Variants in GALNT15 observed in about 807,000 individuals in gnomAD.
The protein encoded by GALNT15 is polypeptide N-acetylgalactosaminyltransferase 15.
Under a neutral mutation model 66.8 loss-of-function variants are expected in GALNT15, and 67 were observed. The observed-to-expected ratio is 1.00, with a 90% confidence interval of 0.82 to 1.23. The LOEUF (loss-of-function observed/expected upper bound fraction) is 1.23. Ranked by LOEUF, GALNT15 falls within the 50% of genes most tolerant of loss-of-function variation. The pLI is 0.00. For synonymous variants in GALNT15, 313 were observed against 311.5 expected (o/e 1.00, Z -0.05); for missense variants, 827 against 804.3 (o/e 1.03, Z -0.34).
Position 16,200,716 on chromosome 3 carries a change from G to A in GALNT15, c.804G>A (p.Met268Ile). ...NKRLGAIRAR[M>I]LGATRATGDV... is the part of the protein sequence containing the mutation. ...GGCTGGGTGCCATCAGGGCCCGGAT[G>A]CTGGGGGCCACCAGAGCCACCGGGG... is the stretch of plus-strand genomic sequence containing the variant. The change falls in exon 3 of 10, where the codon ATG becomes ATA. Residue 268 changes from methionine (M) to isoleucine (I), a missense_variant. Met to Ile is a conservative substitution (Grantham distance 10). Coordinates refer to ENST00000339732, the MANE Select transcript of GALNT15 (RefSeq NM_054110.5). This position sits in a 1 kb window ranked among gnomAD's most constrained non-coding sequence, Gnocchi z 4.4. 1.9e-6 allele frequency: 3 copies of A among 1,611,800 alleles called. No homozygotes were observed. Among genetic ancestry groups the A allele is most frequent in the Non-Finnish European group, 2.5e-6 (3 of 1,179,022 alleles).
intron 3 of GALNT15, among the ~76,000 whole-genome samples, chr3:16,202,656 C>T (rs2063715902): frequency 6.6e-6 from 1 of 152,132 alleles, no homozygotes; most frequent in South Asian, 2.1e-4. Flanking sequence ...AATGCACAAG[C>T]CCTCCAAAGC....
chr3:16,232,452 AAAT>A (rs2064090628), downstream of GALNT15, among the ~76,000 whole-genome samples: 1 of 43,672 alleles, frequency 2.3e-5, no homozygotes, highest in African/African-American at 7.6e-5. Context: ...CCTGGCCTCA[AAAT>A]AAATAAATAA....
chr3:16,215,916 A>AAACAAAAAAAAAAAAAAAAAAAAAC (rs1019009823), intron 6 of GALNT15, among the ~76,000 whole-genome samples: 81 of 143,492 alleles, frequency 5.6e-4, no homozygotes, highest in South Asian at 1.0e-3. Context: ...CAAAAAAAAA[A>AAACAAAAAAAAAAAAAAAAAAAAAC]AAAAAAAAAG....
chr3:16,179,269 G>A (rs1431798416), intron 1 of GALNT15, among the ~76,000 whole-genome samples: 2 of 152,146 alleles, frequency 1.3e-5, no homozygotes, highest in Non-Finnish European at 2.9e-5. Flanking sequence ...GGAAACTGAG[G>A]CACAGAAAGA....
chr3:16,196,774 C>T (rs571629008), intron 2 of GALNT15, among the ~76,000 whole-genome samples: 3 of 152,306 alleles, frequency 2.0e-5, no homozygotes, highest in Admixed American at 6.5e-5. Context: ...TTGGCTTGGG[C>T]GTGAGGCCTA....
chr3:16,224,481 A>T lies in GALNT15; in HGVS notation c.1773+1723A>T, dbSNP rs771273113. ...AGTCAAATTAATAGAAACAGAAAGT[A>T]AAATAGTGGTTACCAGAGGCAGGCA... On this transcript the variant is annotated intron_variant, in intron 9 of 9. Transcript: ENST00000339732. The surrounding 1 kb of genome is among the most constrained non-coding windows in gnomAD (Gnocchi z 5.2). Among the ~76,000 whole-genome samples the T allele has an allele frequency of 6.6e-5, 10 of 152,314 alleles. No homozygotes were observed. Among genetic ancestry groups the T allele is most frequent in the Non-Finnish European group, 1.0e-4 (7 of 68,020 alleles).
At chr3:16,213,428 C>T (rs1446976064) in intron 6 of GALNT15, among the ~76,000 whole-genome samples, 3 of 110,748 alleles carry the variant, frequency 2.7e-5, no homozygotes, top group South Asian at 3.2e-4. Context: ...GCACTCCAGC[C>T]TGAGTGACAG....
At chr3:16,226,804 GTAAT>G (rs2064024984) in intron 9 of GALNT15, among the ~76,000 whole-genome samples, 1 of 152,196 alleles carries the variant, frequency 6.6e-6, no homozygotes, top group African/African-American at 2.4e-5. Context: ...TTTTCATAAA[GTAAT>G]TAAATTTTTC....
rs967737434 is a variant in GALNT15, at chr3:16,181,743, C to T, written c.539+6053C>T. The stretch of plus-strand genomic sequence containing the variant: ...GAACAGGAACAAGCTGGGCTTGAGA[C>T]CTGGGGCTGGAACTTAGCTCAATTC... On this transcript the variant is annotated intron_variant, in intron 1 of 9. Transcript: ENST00000339732. This position sits in a 1 kb window ranked among gnomAD's most constrained non-coding sequence, Gnocchi z 5.9. Among the ~76,000 whole-genome samples, 1 of 152,118 alleles carries T rather than the reference C, an allele frequency of 6.6e-6. No individual in the cohort carries two copies. Among genetic ancestry groups the T allele is most frequent in the Non-Finnish European group, 1.5e-5 (1 of 68,032 alleles).
chr3:16,239,923 A>G, the GALNT15 span, among the ~76,000 whole-genome samples: 4 of 152,244 alleles, frequency 2.6e-5, no homozygotes, highest in Non-Finnish European at 5.9e-5. The surrounding 1 kb of genome is among the most constrained non-coding windows in gnomAD (Gnocchi z 5.2). Flanking sequence ...TCTGCTTCCC[A>G]TTAATGGGAA....
the GALNT15 span, among the ~76,000 whole-genome samples, chr3:16,243,103 A>T: frequency 2.0e-5 from 3 of 152,118 alleles, no homozygotes; most frequent in Non-Finnish European, 4.4e-5. Context: ...CTCCTCTCTT[A>T]TTGGTTGAGG....
the GALNT15 span, among the ~76,000 whole-genome samples, chr3:16,238,555 A>G: frequency 6.6e-6 from 1 of 152,120 alleles, no homozygotes; most frequent in South Asian, 2.1e-4. This position sits in a 1 kb window ranked among gnomAD's most constrained non-coding sequence, Gnocchi z 4.8. Context: ...TGATGTAAGG[A>G]CTACTATTAT....
chr3:16,202,349 C>G (rs773398192), intron 3 of GALNT15, among the ~76,000 whole-genome samples: 6 of 152,076 alleles, frequency 3.9e-5, no homozygotes, highest in Admixed American at 1.3e-4. Flanking sequence ...AATGCACAAG[C>G]TGGCCAGGCA....
the GALNT15 span, among the ~76,000 whole-genome samples, chr3:16,241,729 G>A: frequency 6.6e-6 from 1 of 151,978 alleles, no homozygotes; most frequent in African/African-American, 2.4e-5. The surrounding 1 kb of genome is among the most constrained non-coding windows in gnomAD (Gnocchi z 4.6). Flanking sequence ...TTGTATTTTT[G>A]TAGACATGGG....
the GALNT15 span, among the ~76,000 whole-genome samples, chr3:16,243,088 C>A: frequency 6.6e-6 from 1 of 152,202 alleles, no homozygotes; most frequent in Admixed American, 6.5e-5. Context: ...ATTTTCCCAC[C>A]AGCTCTCCTC....
At position 16,177,109 on chromosome 3, in the gene GALNT15, A is replaced by C. The variant is rs1339437876; in HGVS notation, c.539+1419A>C. Among the ~76,000 whole-genome samples, 7 of 152,238 alleles carry C rather than the reference A, an allele frequency of 4.6e-5. 1 individual carries two copies. Among genetic ancestry groups the C allele is most frequent in the Admixed American group, 3.3e-4 (5 of 15,290 alleles). ...GATTATTGATGTATTTATCAGTCGA[A>C]TGCCTGCTTTCCCTGCTATGCTGTG... On this transcript the variant is annotated intron_variant, in intron 1 of 9. Transcript: ENST00000339732.
intron 1 of GALNT15, among the ~76,000 whole-genome samples, chr3:16,190,637 C>CAAAAAAAAAA (rs34205852): frequency 4.1e-5 from 4 of 98,632 alleles, no homozygotes; most frequent in South Asian, 3.4e-4. Context: ...GACTCCGTAT[C>CAAAAAAAAAA]AAAAAAAAAA....
chr3:16,222,856 A>T (rs2063960896), intron 9 of GALNT15, 98 bp downstream of exon 9: 1 of 1,361,394 alleles, frequency 7.3e-7, no homozygotes, highest in Non-Finnish European at 1.0e-6. Context: ...GTCAGGTATT[A>T]GGGACCTCTG....
rs939058078 is a variant in GALNT15, at chr3:16,219,111, A to G, written c.1393-292A>G. Among the ~76,000 whole-genome samples, 6 of 151,072 alleles carry G rather than the reference A, an allele frequency of 4.0e-5. No homozygotes were observed. Among genetic ancestry groups the G allele is most frequent in the Non-Finnish European group, 7.4e-5 (5 of 67,404 alleles). On this transcript the variant is annotated intron_variant, in intron 6 of 9. Transcript: ENST00000339732. The surrounding 1 kb of genome is among the most constrained non-coding windows in gnomAD (Gnocchi z 4.3). Reference sequence around the variant, plus strand: ...AGGTGTGAGCCACCACTCCCGGCCTATTGTAGTCTTTATAGACTGGAGATT... The same window carrying G: ...AGGTGTGAGCCACCACTCCCGGCCTGTTGTAGTCTTTATAGACTGGAGATT...
Sources: gnomAD v4.1 joint callset for allele counts (sites outside exome capture counted in the v4.1 genomes callset) on GRCh38, gnomAD v4.1.1 for gene constraint, Gnocchi (gnomAD v3.1) non-coding constraint, MANE v1.5 for transcripts, NCBI Gene and HGNC (gene_info 2026-07-23, HGNC 2026-07-21) for gene names.